RHOJ: variants seen among roughly 807,000 people sequenced by gnomAD.
RHOJ encodes ras homolog family member J, also known as rho-related GTP-binding protein RhoJ.
RHOJ carries 11 observed loss-of-function variants against 23.4 expected under a neutral mutation model. The ratio of observed to expected loss-of-function variants is 0.47; its 90% CI spans 0.30 to 0.78. The LOEUF (loss-of-function observed/expected upper bound fraction) is 0.78. Ranked by LOEUF, RHOJ falls within the 30% of genes least tolerant of loss-of-function variation. The pLI is 0.08. For missense variants in RHOJ, 254 were observed against 273.4 expected, an observed-to-expected ratio of 0.93 and a Z score of 0.50; for synonymous variants, 102 against 102.7, an observed-to-expected ratio of 0.99 and a Z score of 0.04.
intron 2 of RHOJ, among the ~76,000 whole-genome samples, chr14:63,272,375 T>C (rs1344291667): frequency 6.6e-6 from 1 of 152,184 alleles, no homozygotes; most frequent in Non-Finnish European, 1.5e-5. Flanking sequence ...TCAATTACAA[T>C]GGAAGAGAGA....
chr14:63,290,685 C>CA (rs199653989), intron 4 of RHOJ, among the ~76,000 whole-genome samples, 193 bp from the exon 5 acceptor site: 8,166 of 54,464 alleles, frequency 0.15, 273 homozygotes, highest in Non-Finnish European at 0.22. Context: ...TACAAAAATA[C>CA]AAAAAAAAAA....
rs541354420 is a variant in RHOJ at position 63,287,862 on chromosome 14, T to C, written c.499-3016T>C. Among the ~76,000 whole-genome samples, 128 of 152,168 alleles carry C rather than the reference T, an allele frequency of 8.4e-4. No homozygotes were observed. In the Middle Eastern group the frequency reaches 0.027, roughly 32 times the overall value. ...CTAAATACTTGACTGTGTAGGTCAT[T>C]TTGCTCCAAGGAGCAGATGAAGTTG... is the stretch of plus-strand genomic sequence containing the variant. On this transcript the variant is annotated intron_variant, in intron 4 of 4. Coordinates refer to ENST00000316754, the MANE Select transcript of RHOJ (RefSeq NM_020663.5).
At chr14:63,216,194 A>G (rs895421744) in intron 1 of RHOJ, among the ~76,000 whole-genome samples, 3 of 152,224 alleles carry the variant, frequency 2.0e-5, no homozygotes, top group African/African-American at 4.8e-5. Context: ...AGCTAGGCAT[A>G]AAGTTGTTTT....
In RHOJ at chr14:63,210,635, C is replaced by G. The variant is rs546751101; in HGVS notation, c.178+5588C>G. 2.6e-5 allele frequency among the ~76,000 whole-genome samples: 4 copies of G among 152,290 alleles called. No individual in the cohort carries two copies. In the South Asian group the frequency reaches 8.3e-4, roughly 32 times the overall value. On this transcript the variant is annotated intron_variant, in intron 1 of 4. Coordinates refer to ENST00000316754, the MANE Select transcript of RHOJ (RefSeq NM_020663.5). ...TTACCATGGAAGAATTGCATTTCTT[C>G]CCCCATCCTATCTTTAGTTTTGAGT...
chr14:63,228,724 A>T (rs1894639573), intron 1 of RHOJ, among the ~76,000 whole-genome samples: 1 of 152,210 alleles, frequency 6.6e-6, no homozygotes, highest in South Asian at 2.1e-4. Flanking sequence ...GACACCAATC[A>T]TCTATTGGAG....
intron 1 of RHOJ, among the ~76,000 whole-genome samples, chr14:63,242,616 G>A (rs1477626256): frequency 6.6e-6 from 1 of 152,140 alleles, no homozygotes; most frequent in African/African-American, 2.4e-5. Flanking sequence ...TGTGCAGGAA[G>A]ACACATTCCT....
chr14:63,287,255 G>A (rs536238663), intron 4 of RHOJ, among the ~76,000 whole-genome samples: 5 of 152,354 alleles, frequency 3.3e-5, no homozygotes, highest in African/African-American at 9.6e-5. Flanking sequence ...TCAGGAGGCA[G>A]ACAAATTCGA....
At chr14:63,264,371 A>G (rs538105007) in intron 1 of RHOJ, among the ~76,000 whole-genome samples, 37 of 152,374 alleles carry the variant, frequency 2.4e-4, no homozygotes, top group Middle Eastern at 3.4e-3. Context: ...ATGGCTACAT[A>G]GTATTCCATG....
chr14:63,273,779 C>A (rs935203292), intron 2 of RHOJ, among the ~76,000 whole-genome samples: 2 of 152,224 alleles, frequency 1.3e-5, no homozygotes, highest in African/African-American at 4.8e-5. Context: ...AGACACAACA[C>A]CTGTGAAAAT....
At chr14:63,258,228 C>CAAAA (rs1300550864) in intron 1 of RHOJ, among the ~76,000 whole-genome samples, 1 of 69,012 alleles carries the variant, frequency 1.4e-5, no homozygotes, top group Non-Finnish European at 3.1e-5. Flanking sequence ...AACTCTGTCC[C>CAAAA]AAAAAAAAAA....
chr14:63,290,836 C>CT, intron 4 of RHOJ, 42 bp from the exon 5 acceptor site: 1 of 1,565,946 alleles, frequency 6.4e-7, no homozygotes. Context: ...GTGCTTTTCT[C>CT]TCTTTTTTAT....
At chr14:63,233,481 A>C (rs1894733838) in intron 1 of RHOJ, among the ~76,000 whole-genome samples, 1 of 152,244 alleles carries the variant, frequency 6.6e-6, no homozygotes. Flanking sequence ...GGAAGGGGGA[A>C]AAGTAAAGAC....
chr14:63,245,680 G>A (rs1222379979), intron 1 of RHOJ, among the ~76,000 whole-genome samples: 1 of 151,990 alleles, frequency 6.6e-6, no homozygotes, highest in African/African-American at 2.4e-5. Flanking sequence ...GGGAGTGGAG[G>A]GGTTATAACT....
At chr14:63,276,511 T>TC (rs1376999899) in intron 2 of RHOJ, among the ~76,000 whole-genome samples, 1 of 152,232 alleles carries the variant, frequency 6.6e-6, no homozygotes, top group Non-Finnish European at 1.5e-5. Flanking sequence ...CAATTCTTAT[T>TC]CACCTTATAT....
At chr14:63,211,805 C>A (rs1341707245) in intron 1 of RHOJ, among the ~76,000 whole-genome samples, 1 of 152,140 alleles carries the variant, frequency 6.6e-6, no homozygotes, top group East Asian at 1.9e-4. Flanking sequence ...ATGAACAATT[C>A]CCGGCACAAA....
intron 1 of RHOJ, among the ~76,000 whole-genome samples, chr14:63,262,088 A>T (rs1012813985): frequency 9.9e-5 from 15 of 152,172 alleles, no homozygotes; most frequent in African/African-American, 3.6e-4. Flanking sequence ...AACTGACCTG[A>T]CATTTCCAAC....
intron 1 of RHOJ, among the ~76,000 whole-genome samples, chr14:63,215,757 ATTT>A (rs930312888): frequency 1.5e-4 from 23 of 151,952 alleles, no homozygotes; most frequent in African/African-American, 4.8e-4. Flanking sequence ...TGTCATTATA[ATTT>A]TCTTTGTTTA....
At chr14:63,207,041 T>C (rs1000583478) in intron 1 of RHOJ, among the ~76,000 whole-genome samples, 27 of 151,706 alleles carry the variant, frequency 1.8e-4, no homozygotes, top group African/African-American at 5.6e-4. Context: ...TTTTCTTTTT[T>C]TTTTTTTTGA....
chr14:63,284,765 T>G (rs764714788), intron 4 of RHOJ, among the ~76,000 whole-genome samples: 20 of 152,236 alleles, frequency 1.3e-4, no homozygotes, highest in African/African-American at 1.9e-4. Flanking sequence ...ACCAGCTTCT[T>G]GCAGGAACTC....
Sources: gnomAD v4.1 joint callset for allele counts (sites outside exome capture counted in the v4.1 genomes callset) on GRCh38, gnomAD v4.1.1 for gene constraint, MANE v1.5 for transcripts, NCBI Gene and HGNC (gene_info 2026-07-23, HGNC 2026-07-21) for gene names.